The following DNAAF9 variants were observed in gnomAD, a reference collection of about 807,000 sequenced individuals.
DNAAF9 encodes the protein dynein axonemal assembly factor 9.
Under a neutral mutation model 167.0 loss-of-function variants are expected in DNAAF9, and 90 were observed. The observed-to-expected ratio is 0.54, with a 90% CI of 0.45 to 0.64. The LOEUF is 0.64. Among genes scored for constraint, DNAAF9 ranks in the 30% least tolerant of loss-of-function variants. The probability of loss-of-function intolerance (pLI) is 0.00; values close to 1 mark genes in which losing one functional copy is unlikely to be tolerated. For missense variants in DNAAF9, 1,315 were observed against 1,442.2 expected, an observed-to-expected ratio of 0.91 and a Z score of 1.43; for synonymous variants, 491 against 508.8, an observed-to-expected ratio of 0.96 and a Z score of 0.47.
intron 30 of DNAAF9, among the ~76,000 whole-genome samples, chr20:3,266,527 G>A (rs1414061378): frequency 2.0e-5 from 3 of 152,172 alleles, no homozygotes; most frequent in Non-Finnish European, 4.4e-5. Flanking sequence ...GCCCAGGCTG[G>A]AGTGCAGTGG....
At position 3,350,156 on chromosome 20, in the gene DNAAF9, G is replaced by GACAC. The variant is rs35251429; in HGVS notation, c.691-1537_691-1534dup. Among the ~76,000 whole-genome samples, 229 of 89,932 alleles carry GACAC rather than the reference G, an allele frequency of 2.5e-3. 2 individuals carry two copies. The highest frequency in any genetic ancestry group is 0.02 in the East Asian group (74 of 3,696). The allele number at this position is 89,932 out of a possible 152,430, so 59.0% of individuals were successfully genotyped here. On this transcript the variant is annotated intron_variant, in intron 7 of 36. Transcript: ENST00000252032. ...AGACACACAGACACACAGACACACA[G>GACAC]ACACACACACACACACACACACACA...
At chr20:3,290,561 T>C (rs931976350) in intron 25 of DNAAF9, among the ~76,000 whole-genome samples, 3 of 152,226 alleles carry the variant, frequency 2.0e-5, no homozygotes, top group East Asian at 1.9e-4. Context: ...ACCTACCTGC[T>C]TGAGACCACA....
intron 26 of DNAAF9, 53 bp downstream of exon 26, chr20:3,290,076 C>T (rs2068923573): frequency 3.5e-6 from 4 of 1,157,564 alleles, no homozygotes; most frequent in African/African-American, 3.0e-5. Flanking sequence ...AGTGCCTAGG[C>T]AGGCCCAAGT....
chr20:3,338,719 C>T (rs974500912), intron 10 of DNAAF9, among the ~76,000 whole-genome samples: 4 of 144,522 alleles, frequency 2.8e-5, no homozygotes, highest in Non-Finnish European at 4.5e-5. Flanking sequence ...ATGGTGCGAT[C>T]TCAGCTCACT....
Position 3,252,603 on chromosome 20 carries a change from T to C in DNAAF9, c.3503A>G (p.Glu1168Gly). The part of the protein sequence containing the change: ...EKYNQELEQQ[E>G]YHDLFELKP ...CTTCAGCTCAAAGAGGTCATGATAC[T>C]CCTGCTGTTCCAGCTCCTGGTTATA... is the stretch of plus-strand genomic sequence containing the variant. The change falls in exon 37 of 37, where the codon GAG becomes GGG. Residue 1168 changes from glutamate (E) to glycine (G), a missense_variant. Physicochemically the swap from Glu to Gly is moderately conservative, Grantham distance 98. Coordinates refer to ENST00000252032, the MANE Select transcript of DNAAF9 (RefSeq NM_001009984.3). 7 of 1,610,732 alleles carry C rather than the reference T, an allele frequency of 4.3e-6. No homozygotes were observed. The highest frequency in any genetic ancestry group is 5.1e-6 in the Non-Finnish European group (6 of 1,176,902).
intron 27 of DNAAF9, 29 bp downstream of exon 27, chr20:3,287,603 A>T: frequency 6.2e-7 from 1 of 1,610,894 alleles, no homozygotes; most frequent in Non-Finnish European, 8.5e-7. Flanking sequence ...CCCTGATTCG[A>T]CTGTTTCCAG....
At chr20:3,258,997 GCC>G (rs2122740973) in intron 33 of DNAAF9, among the ~76,000 whole-genome samples, 1 of 152,296 alleles carries the variant, frequency 6.6e-6, no homozygotes, top group South Asian at 2.1e-4. Context: ...CTTCTCTGAT[GCC>G]CACTCCAGGA....
chr20:3,301,760 C>A (rs1245632242), intron 21 of DNAAF9, among the ~76,000 whole-genome samples: 1 of 152,086 alleles, frequency 6.6e-6, no homozygotes, highest in African/African-American at 2.4e-5. Flanking sequence ...GATGTAACTT[C>A]TTCTATCTGT....
intron 10 of DNAAF9, 92 bp from the exon 11 acceptor site, chr20:3,332,453 ATTTTCTTT>A: frequency 1.5e-6 from 1 of 664,770 alleles, no homozygotes; most frequent in Non-Finnish European, 2.6e-6. Flanking sequence ...ATGGAAATAA[ATTTTCTTT>A]TTTTTTTTTT....
At chr20:3,259,135 C>A (rs1186535374) in intron 33 of DNAAF9, among the ~76,000 whole-genome samples, 1 of 152,192 alleles carries the variant, frequency 6.6e-6, no homozygotes, top group Non-Finnish European at 1.5e-5. Flanking sequence ...AGCACTGGGG[C>A]AGCTCCTGGT....
At chr20:3,300,174 A>G (rs2069158396) in intron 21 of DNAAF9, among the ~76,000 whole-genome samples, 1 of 152,148 alleles carries the variant, frequency 6.6e-6, no homozygotes, top group Admixed American at 6.6e-5. Flanking sequence ...AAGTGCTGGA[A>G]TTGTTAAGTG....
At chr20:3,371,224 T>C (rs1454722382) in intron 6 of DNAAF9, among the ~76,000 whole-genome samples, 1 of 150,716 alleles carries the variant, frequency 6.6e-6, no homozygotes, top group Non-Finnish European at 1.5e-5. Context: ...CTTTTTAATT[T>C]TGATTGCTCA....
At chr20:3,339,701 A>G (rs2070039855) in intron 10 of DNAAF9, among the ~76,000 whole-genome samples, 1 of 152,164 alleles carries the variant, frequency 6.6e-6, no homozygotes, top group Non-Finnish European at 1.5e-5. Context: ...TGTGATCATC[A>G]AAAGTGTTTC....
At chr20:3,260,055 A>G (rs748811298) in intron 31 of DNAAF9, 27 bp from the exon 32 acceptor site, 8 of 1,408,932 alleles carry the variant, frequency 5.7e-6, no homozygotes, top group African/African-American at 4.2e-5. Context: ...AATTTTAAGT[A>G]CAGGCCGGGC....
intron 14 of DNAAF9, among the ~76,000 whole-genome samples, chr20:3,324,210 A>G (rs2069669923): frequency 6.6e-6 from 1 of 152,210 alleles, no homozygotes; most frequent in Non-Finnish European, 1.5e-5. Flanking sequence ...CTTATTACAC[A>G]GGACTATAGA....
Position 3,359,538 on chromosome 20 carries a change from G to A in DNAAF9, c.668C>T (p.Ser223Phe). Residue 223 changes from serine to phenylalanine, a missense_variant, in exon 7 of 37, where the codon TCT becomes TTT. Physicochemically the swap from Ser to Phe is radical, Grantham distance 155 (BLOSUM62 -2). Around this residue, in one of 2 missense-constraint regions of DNAAF9, gnomAD observed 981 missense variants for 1,012.5 expected, o/e 0.97. Coordinates refer to ENST00000252032, the MANE Select transcript of DNAAF9 (RefSeq NM_001009984.3). ...WNVYSKMDPM[S>F]LESLLSDDLV... ...TACATCTGAAAGCAAACTCTCCAGAGACATAGGATCCATCTTGCTGTAGAC... is the reference window on the plus strand; with the variant it reads ...TACATCTGAAAGCAAACTCTCCAGAAACATAGGATCCATCTTGCTGTAGAC... 6.2e-7 allele frequency: 1 copy of A among 1,612,160 alleles called. No individual in the cohort carries two copies. The highest frequency in any genetic ancestry group is 8.5e-7 in the Non-Finnish European group (1 of 1,179,148).
rs565902874 is a variant in DNAAF9 at position 3,396,124 on chromosome 20, G to A, written c.83+11351C>T. Among the ~76,000 whole-genome samples, 17 of 152,338 alleles carry A rather than the reference G, an allele frequency of 1.1e-4. No homozygotes were observed. The South Asian group carries it at 2.3e-3, about 20-fold the overall frequency. Reference sequence around the variant, plus strand: ...ATGATTGTGAGGCTTCCCCAGCCACGTGGAACTGTGAGTCCAATAAACCTC... The same window carrying A: ...ATGATTGTGAGGCTTCCCCAGCCACATGGAACTGTGAGTCCAATAAACCTC... On this transcript the variant is annotated intron_variant, in intron 1 of 36. Transcript: ENST00000252032.
At position 3,259,658 on chromosome 20, in the gene DNAAF9, G is replaced by A. The variant is rs944101287; in HGVS notation, c.2981-104C>T. ...GGGACTGGGGAGGGACCATACACCAGGGTCTAGGGTTCACAGGTTCTACCC... is the reference window on the plus strand; with the variant it reads ...GGGACTGGGGAGGGACCATACACCAAGGTCTAGGGTTCACAGGTTCTACCC... On this transcript the variant is annotated intron_variant, in intron 32 of 36. Transcript: ENST00000252032. 6 of 801,070 alleles carry A rather than the reference G, an allele frequency of 7.5e-6. No individual in the cohort carries two copies. The African/African-American group carries it at 1.0e-4, about 13-fold the overall frequency. The allele number at this position is 801,070 out of a possible 1,614,324, so 49.6% of individuals were successfully genotyped here. A position where few individuals can be genotyped will look rare whatever the true frequency, so the allele number is the denominator to read the frequency against.
chr20:3,255,364 T>C, intron 34 of DNAAF9, 80 bp from the exon 35 acceptor site: 1 of 859,758 alleles, frequency 1.2e-6, no homozygotes, highest in South Asian at 1.4e-5. Flanking sequence ...TGGGCTCTAT[T>C]ACACAACTAA....
Sources: allele counts gnomAD v4.1 joint callset (sites outside exome capture counted in the v4.1 genomes callset), GRCh38; gene constraint gnomAD v4.1.1; regional missense constraint gnomAD v4.1.1; transcripts MANE v1.5; gene names NCBI Gene and HGNC (gene_info 2026-07-23, HGNC 2026-07-21).